Variants in ERAP1 observed in about 807,000 individuals in gnomAD.
The protein encoded by ERAP1 is endoplasmic reticulum aminopeptidase 1, also known as adipocyte-derived leucine aminopeptidase.
Under a neutral mutation model 103.7 loss-of-function variants are expected in ERAP1, and 86 were observed. That is an observed-to-expected ratio of 0.83 (90% CI 0.70 to 0.99). The LOEUF (loss-of-function observed/expected upper bound fraction) is 0.99, where lower values mean the gene tolerates loss of function less well. ERAP1 is among the 50% of genes least tolerant of loss of function. The pLI is 0.00. For synonymous variants in ERAP1, 398 were observed against 402.4 expected (o/e 0.99, Z 0.13); for missense variants, 1,009 against 1,128.4 (o/e 0.89, Z 1.52).
chr5:96,917,125 T>G, the ERAP1 span, among the ~76,000 whole-genome samples: 2 of 152,188 alleles, frequency 1.3e-5, no homozygotes, highest in East Asian at 1.9e-4. Flanking sequence ...TTCTTTATTT[T>G]TGAAACTGCC....
intron 3 of ERAP1, among the ~76,000 whole-genome samples, chr5:96,798,103 A>G (rs1581616342): frequency 6.6e-6 from 1 of 152,098 alleles, no homozygotes; most frequent in Non-Finnish European, 1.5e-5. Context: ...AGGCGGGTGG[A>G]TCACAAGGTA....
intron 11 of ERAP1, chr5:96,786,876 A>G: frequency 3.9e-6 from 1 of 256,572 alleles, no homozygotes; most frequent in Non-Finnish European, 7.7e-6. Flanking sequence ...TATATTAGGA[A>G]GGACACAATA....
At chr5:96,897,354 C>T in the ERAP1 span, among the ~76,000 whole-genome samples, 1 of 152,152 alleles carries the variant, frequency 6.6e-6, no homozygotes, top group African/African-American at 2.4e-5. Context: ...AATTCAAATG[C>T]CACCCAACTT....
chr5:96,828,120 A>G, the ERAP1 span, among the ~76,000 whole-genome samples: 1 of 152,228 alleles, frequency 6.6e-6, no homozygotes, highest in East Asian at 1.9e-4. Flanking sequence ...ATTTTCTAAT[A>G]AGTAAACAGA....
intron 3 of ERAP1, among the ~76,000 whole-genome samples, chr5:96,798,885 T>TTTTTTTTTTTA (rs1777665177): frequency 6.6e-6 from 1 of 150,408 alleles, no homozygotes; most frequent in South Asian, 2.1e-4. Context: ...TTTTTTTTTT[T>TTTTTTTTTTTA]GAGATGGAGT....
chr5:96,903,529 G>C, the ERAP1 span: 2 of 1,608,806 alleles, frequency 1.2e-6, no homozygotes, highest in Non-Finnish European at 1.7e-6. Context: ...GGACAGAGTA[G>C]GTCTGATTCA....
At chr5:96,924,234 C>G in the ERAP1 span, among the ~76,000 whole-genome samples, 1 of 152,196 alleles carries the variant, frequency 6.6e-6, no homozygotes, top group African/African-American at 2.4e-5. Context: ...GAAGCGTTAG[C>G]TCCTGTTTTG....
intron 2 of ERAP1, among the ~76,000 whole-genome samples, chr5:96,802,070 A>G (rs2150995385): frequency 6.6e-6 from 1 of 152,164 alleles, no homozygotes; most frequent in South Asian, 2.1e-4. Context: ...GCCAATATAC[A>G]CTATTGGTGA....
rs747892346 is a variant in ERAP1 at position 96,775,774 on chromosome 5, C to T, written c.*622G>A. On this transcript the variant is annotated 3_prime_UTR_variant, in exon 19 of 19. Coordinates refer to ENST00000443439, the MANE Select transcript of ERAP1 (RefSeq NM_001040458.3). The stretch of plus-strand genomic sequence containing the variant: ...CAGGGGAGGCCAGCCCGAGGCATCC[C>T]GCAAGGGAATCAGGGAAGAACACCT... The T allele has an allele frequency of 1.7e-5, 4 of 231,576 alleles. No homozygotes were observed. Among genetic ancestry groups the T allele is most frequent in the African/African-American group, 2.3e-5 (1 of 42,898 alleles). The allele number at this position is 231,576 out of a possible 1,614,324, so 14.3% of individuals were successfully genotyped here.
chr5:96,895,417 T>G, the ERAP1 span: 3 of 1,214,042 alleles, frequency 2.5e-6, no homozygotes, highest in Non-Finnish European at 3.6e-6. Context: ...CAATTCACTA[T>G]TAAAATTTCA....
chr5:96,798,810 T>C (rs945541419), intron 3 of ERAP1, among the ~76,000 whole-genome samples: 1 of 151,230 alleles, frequency 6.6e-6, no homozygotes, highest in African/African-American at 2.4e-5. Flanking sequence ...TCATAAAGGA[T>C]CCCAAATCAT....
downstream of ERAP1, chr5:96,772,054 C>T (rs368621793): frequency 1.1e-4 from 18 of 169,254 alleles, no homozygotes; most frequent in Admixed American, 1.9e-4. Context: ...TACAACTTAG[C>T]GAAATGTCCT....
chr5:96,788,668 C>G lies in ERAP1; in HGVS notation c.1542G>C (p.Gly514=), dbSNP rs1776377460. The change falls in exon 11 of 19, where the codon GGG becomes GGC. Residue 514 remains glycine, a synonymous_variant. Coordinates refer to ENST00000443439, the MANE Select transcript of ERAP1 (RefSeq NM_001040458.3). The stretch of plus-strand genomic sequence containing the variant: ...TGTTCATCATGGTTTTCACATCCAC[C>G]CCTTCCTGATGCCAATGCTGGTGTG... ...SSSSSHWHQE[G]VDVKTMMNTW... 6.2e-7 allele frequency: 1 copy of G among 1,614,118 alleles called. No individual in the cohort carries two copies. The highest frequency in any genetic ancestry group is 1.6e-4 in the Middle Eastern group (1 of 6,062).
chr5:96,889,369 C>CT, the ERAP1 span: 2 of 1,543,786 alleles, frequency 1.3e-6, no homozygotes, highest in Non-Finnish European at 1.8e-6. Context: ...GATCTCTTCC[C>CT]TCTTTCTCTT....
chr5:96,875,269 T>G, the ERAP1 span, among the ~76,000 whole-genome samples: 1 of 152,112 alleles, frequency 6.6e-6, no homozygotes, highest in Non-Finnish European at 1.5e-5. Flanking sequence ...TTGCGGTGTC[T>G]CATGCCTGTA....
the ERAP1 span, among the ~76,000 whole-genome samples, chr5:96,930,334 G>A: frequency 1.4e-4 from 22 of 152,230 alleles, no homozygotes; most frequent in African/African-American, 5.1e-4. Context: ...CTCCACCCTC[G>A]GATCATGTTA....
At position 96,795,449 on chromosome 5, in the gene ERAP1, G is replaced by A. The variant is rs531522722; in HGVS notation, c.799-287C>T. The stretch of plus-strand genomic sequence containing the variant: ...AGAAGCCAAAGTGAAATGACAGTTA[G>A]ACCCTCTGATGTCAGGAGAGCACTG... On this transcript the variant is annotated intron_variant, in intron 4 of 18. Transcript: ENST00000443439. 3.3e-5 allele frequency among the ~76,000 whole-genome samples: 5 copies of A among 152,340 alleles called. No individual in the cohort carries two copies. The South Asian group carries it at 1.0e-3, about 32-fold the overall frequency.
the ERAP1 span, among the ~76,000 whole-genome samples, chr5:96,856,803 A>T: frequency 6.6e-6 from 1 of 152,268 alleles, no homozygotes; most frequent in East Asian, 1.9e-4. Flanking sequence ...TCAAATTGGC[A>T]CTGTTGGCTT....
Position 96,803,874 on chromosome 5 carries a change from G to A in ERAP1, c.53C>T (p.Ser18Phe). ...CACAGTTAAGAGAGCCAACAGTGAG[G>A]AAAGTAGAAATGACATGGTTGCAAG... ...WSLATMSFLL[S>F]SLLALLTVST... Residue 18 changes from serine to phenylalanine, a missense_variant, in exon 2 of 19, where the codon TCC becomes TTC. Coordinates refer to ENST00000443439, the MANE Select transcript of ERAP1 (RefSeq NM_001040458.3). 6.2e-7 allele frequency: 1 copy of A among 1,612,924 alleles called. No individual in the cohort carries two copies. The highest frequency in any genetic ancestry group is 1.3e-5 in the African/African-American group (1 of 75,054).
Sources: allele counts gnomAD v4.1 joint callset (sites outside exome capture counted in the v4.1 genomes callset), GRCh38; gene constraint gnomAD v4.1.1; transcripts MANE v1.5; gene names NCBI Gene and HGNC (gene_info 2026-07-23, HGNC 2026-07-21).